The following RADIL variants were observed in gnomAD, a reference collection of about 807,000 sequenced individuals.
RADIL encodes the protein Rap associating with DIL domain.
In RADIL, 99 loss-of-function variants were observed where a neutral mutation model predicts 97.6. The observed-to-expected ratio is 1.01, with a 90% CI of 0.86 to 1.20. The LOEUF is 1.20. Ranked by LOEUF, RADIL falls within the 50% of genes most tolerant of loss-of-function variation. The probability of loss-of-function intolerance (pLI) is 0.00; values close to 1 mark genes in which losing one functional copy is unlikely to be tolerated. For missense variants in RADIL, 1,765 were observed against 1,498.9 expected (o/e 1.18, Z -2.93); for synonymous variants, 803 against 691.8 (o/e 1.16, Z -2.52).
chr7:4,877,592 T>C lies in RADIL; in HGVS notation c.535+13A>G. The C allele has an allele frequency of 6.3e-7, 1 of 1,576,962 alleles. No homozygotes were observed. Among genetic ancestry groups the C allele is most frequent in the African/African-American group, 1.4e-5 (1 of 73,854 alleles). ...AGACCCACGGCTCTTCCTGAACCTG[T>C]GGCCCCCCTCACCTGCCGTGATGGT... is the stretch of plus-strand genomic sequence containing the variant. On this transcript the variant is annotated intron_variant, in intron 2 of 14. Transcript: ENST00000399583.
chr7:4,825,883 GAAA>G (rs540147941), intron 5 of RADIL, among the ~76,000 whole-genome samples: 5 of 51,030 alleles, frequency 9.8e-5, no homozygotes, highest in Non-Finnish European at 1.4e-4. Context: ...CTCCGTCTCA[GAAA>G]AAAAAAAAAA....
At position 4,798,183 on chromosome 7, in the gene RADIL, T is replaced by C. The variant is rs1781972227; in HGVS notation, c.*1195A>G. On this transcript the variant is annotated 3_prime_UTR_variant, in exon 15 of 15. Transcript: ENST00000399583. ...ATCCAGTATTTTGGGAACCTGGCAG[T>C]GGTCGCCGTTTCGAGCCAGGCGCAA... 1 of 151,462 alleles carries C rather than the reference T, an allele frequency of 6.6e-6. No individual in the cohort carries two copies. Among genetic ancestry groups the C allele is most frequent in the South Asian group, 2.1e-4 (1 of 4,822 alleles). The allele number at this position is 151,462 out of a possible 1,614,324, so 9.4% of individuals were successfully genotyped here. A position where few individuals can be genotyped will look rare whatever the true frequency, so the allele number is the denominator to read the frequency against.
chr7:4,801,619 G>C (rs754447549), intron 12 of RADIL, 34 bp downstream of exon 12: 1 of 1,555,718 alleles, frequency 6.4e-7, no homozygotes, highest in East Asian at 2.4e-5. Flanking sequence ...GGGGTCTGGG[G>C]TGGGTTCCCG....
intron 2 of RADIL, among the ~76,000 whole-genome samples, chr7:4,844,581 A>G (rs941892804): frequency 4.6e-5 from 7 of 152,342 alleles, no homozygotes; most frequent in African/African-American, 1.7e-4. Context: ...GTGACTAGAC[A>G]TGGTGAATAA....
chr7:4,858,189 T>C (rs1205364824), intron 2 of RADIL: 1 of 152,254 alleles, frequency 6.6e-6, no homozygotes, highest in Non-Finnish European at 1.5e-5. Flanking sequence ...AGGACATGAC[T>C]ATATTCCAAC....
intron 2 of RADIL, among the ~76,000 whole-genome samples, chr7:4,856,409 C>G (rs1422402777): frequency 1.3e-5 from 2 of 152,340 alleles, no homozygotes; most frequent in South Asian, 4.1e-4. Context: ...CGCACCCGGC[C>G]TGTTGATCTT....
rs1783239678 is a variant in RADIL, at chr7:4,834,551, C to A, written c.1416+56G>T. The A allele has an allele frequency of 3.9e-6, 5 of 1,292,824 alleles. No homozygotes were observed. The East Asian group carries it at 1.5e-4, about 38-fold the overall frequency. 80.1% of individuals were successfully genotyped at this position (1,292,824 alleles called of 1,614,324 possible). A position where few individuals can be genotyped will look rare whatever the true frequency, so the allele number is the denominator to read the frequency against. On this transcript the variant is annotated intron_variant, in intron 4 of 14. Coordinates refer to ENST00000399583, the MANE Select transcript of RADIL (RefSeq NM_018059.5). The surrounding 1 kb of genome is among the most constrained non-coding windows in gnomAD (Gnocchi z 6.0). The stretch of plus-strand genomic sequence containing the variant: ...CCTCCCAGCCGGGGCCAGCTCCGGG[C>A]CCCCTCTTCCCCCAGACCGGCACAG...
chr7:4,865,636 A>G lies in RADIL; in HGVS notation c.535+11969T>C, dbSNP rs147871044. ...TTTCGATGGTCACCACCCCTCCACC[A>G]AGGTTCCCAGCTTTTCCATTCACTT... On this transcript the variant is annotated intron_variant, in intron 2 of 14. Transcript: ENST00000399583. 3.2e-3 allele frequency: 2,843 copies of G among 882,722 alleles called. 52 individuals are homozygous for G. In the African/African-American group the frequency reaches 0.041, roughly 13 times the overall value. 54.7% of individuals were successfully genotyped at this position (882,722 alleles called of 1,614,324 possible).
intron 13 of RADIL, 102 bp downstream of exon 13, chr7:4,800,069 T>A (rs926615051): frequency 5.6e-6 from 8 of 1,428,942 alleles, no homozygotes; most frequent in Non-Finnish European, 7.4e-6. Flanking sequence ...CCCGAAGGCC[T>A]TCCTGTAGCC....
intron 6 of RADIL, among the ~76,000 whole-genome samples, chr7:4,820,822 G>A (rs1258940608): frequency 6.6e-6 from 1 of 152,142 alleles, no homozygotes; most frequent in Non-Finnish European, 1.5e-5. Flanking sequence ...GGGCCCCGAC[G>A]CATTGTGGGA....
At chr7:4,805,297 C>G (rs1383331640) in intron 10 of RADIL, 2 of 412,192 alleles carry the variant, frequency 4.9e-6, no homozygotes, top group Admixed American at 3.9e-5. Flanking sequence ...CGTGAGGGAA[C>G]GAGGGGGCCT....
At chr7:4,803,484 G>A (rs1259310787) in intron 11 of RADIL, 62 bp downstream of exon 11, 1 of 1,394,986 alleles carries the variant, frequency 7.2e-7, no homozygotes, top group South Asian at 1.4e-5. Context: ...GGGGCACGCT[G>A]GCTGGGTCCC....
At chr7:4,844,911 T>C (rs1475026693) in intron 2 of RADIL, among the ~76,000 whole-genome samples, 2 of 152,026 alleles carry the variant, frequency 1.3e-5, no homozygotes, top group Non-Finnish European at 2.9e-5. Context: ...GCCAGTAATA[T>C]ATTTAAAGAT....
chr7:4,870,932 T>G (rs1447436439), intron 2 of RADIL, among the ~76,000 whole-genome samples: 1 of 152,176 alleles, frequency 6.6e-6, no homozygotes, highest in African/African-American at 2.4e-5. Flanking sequence ...CAACGGTGCC[T>G]CTATGATCAA....
intron 2 of RADIL, chr7:4,858,812 C>A (rs938648626): frequency 2.6e-5 from 4 of 152,226 alleles, no homozygotes; most frequent in Non-Finnish European, 5.9e-5. Context: ...AGTTTCACAT[C>A]ATGGTTTAGA....
intron 2 of RADIL, among the ~76,000 whole-genome samples, chr7:4,866,396 G>A (rs1784131860): frequency 6.6e-6 from 1 of 152,110 alleles, no homozygotes; most frequent in Non-Finnish European, 1.5e-5. Context: ...AACATATCCA[G>A]CGCCTAATCA....
At chr7:4,860,138 G>C (rs368598482) in intron 2 of RADIL, 4 of 1,613,990 alleles carry the variant, frequency 2.5e-6, no homozygotes, top group Non-Finnish European at 3.4e-6. Flanking sequence ...AGCCAAGGCA[G>C]GACTGTTTCT....
In RADIL at chr7:4,879,206, C is replaced by T. The variant is rs943831693; in HGVS notation, c.-64-1003G>A. Among the ~76,000 whole-genome samples the T allele has an allele frequency of 8.5e-5, 13 of 152,224 alleles. No individual in the cohort carries two copies. The highest frequency in any genetic ancestry group is 1.5e-4 in the Non-Finnish European group (10 of 68,032). ...GCTCCAGGCCACAGAGATGCAGTCT[C>T]CTGGGGAAACGGGAAAACAGCCTGG... On this transcript the variant is annotated intron_variant, in intron 1 of 14. Coordinates refer to ENST00000399583, the MANE Select transcript of RADIL (RefSeq NM_018059.5). This position sits in a 1 kb window ranked among gnomAD's most constrained non-coding sequence, Gnocchi z 4.1.
In RADIL at chr7:4,817,348, G is replaced by T. The variant is rs775343154; in HGVS notation, c.1619C>A (p.Ser540Ter). 1.2e-6 allele frequency: 2 copies of T among 1,610,600 alleles called. No individual in the cohort carries two copies. The highest frequency in any genetic ancestry group is 2.7e-5 in the African/African-American group (2 of 74,856). Residue 540 changes from serine to a stop codon, truncating the protein, a stop_gained, in exon 7 of 15, where the codon TCG becomes TAG. Coordinates refer to ENST00000399583, the MANE Select transcript of RADIL (RefSeq NM_018059.5). LOFTEE classifies it high-confidence loss of function. This position sits in a 1 kb window ranked among gnomAD's most constrained non-coding sequence, Gnocchi z 8.3. The part of the protein sequence containing the change: ...SMEEQLDITG[S>*]KESLFSCTLT... ...CGTGCAGGAGAACAGCGATTCCTTC[G>T]AGCCTGCCGGGAGACAGCCACGCCA...
Sources: allele counts gnomAD v4.1 joint callset (sites outside exome capture counted in the v4.1 genomes callset), GRCh38; gene constraint gnomAD v4.1.1; non-coding constraint Gnocchi (gnomAD v3.1); transcripts MANE v1.5; gene names NCBI Gene and HGNC (gene_info 2026-07-23, HGNC 2026-07-21).